Variants in NOTCH3 observed in about 807,000 individuals in gnomAD.
NOTCH3 encodes notch receptor 3, also known as neurogenic locus notch homolog protein 3.
A neutral mutation model predicts 213.3 loss-of-function variants in NOTCH3; 86 were observed. The ratio of observed to expected loss-of-function variants is 0.40; its 90% CI spans 0.34 to 0.48. The LOEUF (loss-of-function observed/expected upper bound fraction) is 0.48, where lower values mean the gene tolerates loss of function less well. Ranked by LOEUF, NOTCH3 falls within the 20% of genes least tolerant of loss-of-function variation. The pLI, the probability that NOTCH3 is intolerant of heterozygous loss-of-function variation, is 0.57. For synonymous variants in NOTCH3, 1,354 were observed against 1,355.9 expected (o/e 1.00, Z 0.03); for missense variants, 2,783 against 3,272.6 (o/e 0.85, Z 3.65).
intron 15 of NOTCH3, 52 bp downstream of exon 15, chr19:15,184,854 G>T: frequency 9.6e-7 from 1 of 1,036,892 alleles, no homozygotes; most frequent in Non-Finnish European, 1.5e-6. Context: ...CCCTGATAGG[G>T]TAGGGGGCAG....
chr19:15,161,029 G>T lies in NOTCH3; in HGVS notation c.6599C>A (p.Thr2200Asn). The T allele has an allele frequency of 6.5e-7, 1 of 1,537,776 alleles. No individual in the cohort carries two copies. Among genetic ancestry groups the T allele is most frequent in the Non-Finnish European group, 8.7e-7 (1 of 1,143,256 alleles). ...APGPQLLNPGTPVSPQERPPP... is the reference protein window; with the variant it reads ...APGPQLLNPGNPVSPQERPPP... The stretch of plus-strand genomic sequence containing the variant: ...GGGCCGCTCCTGCGGGGAGACGGGG[G>T]TCCCTGGGTTGAGCAGCTGGGGTCC... Residue 2200 changes from threonine to asparagine, a missense_variant, in exon 33 of 33, where the codon ACC becomes AAC. Coordinates refer to ENST00000263388, the MANE Select transcript of NOTCH3 (RefSeq NM_000435.3).
intron 20 of NOTCH3, 127 bp downstream of exon 20, chr19:15,179,945 G>C: frequency 2.3e-5 from 15 of 657,390 alleles, no homozygotes; most frequent in African/African-American, 1.8e-5. Flanking sequence ...GATACACCAA[G>C]AGTCACAAAA....
At chr19:15,191,916 C>A in intron 4 of NOTCH3, 44 bp downstream of exon 4, 2 of 1,613,792 alleles carry the variant, frequency 1.2e-6, no homozygotes, top group Non-Finnish European at 1.7e-6. Context: ...GGCCTGCTGT[C>A]CCCACGCCCA....
At position 15,181,616 on chromosome 19, in the gene NOTCH3, C is replaced by G. The variant is rs1358592529; in HGVS notation, c.2752G>C (p.Gly918Arg). Residue 918 changes from glycine to arginine, a missense_variant, in exon 17 of 33, where the codon GGC (glycine) becomes CGC (arginine). This residue lies in a region of NOTCH3 where 861 missense variants were observed against 909.1 expected (regional missense o/e 0.95). Transcript: ENST00000263388. ...GGCAGGTCCTGTTCGCAGTGGAAGC[C>G]TCCGTAGCCTGGCGGGCAGGTGCAG... ...FTCTCPPGYG[G>R]FHCEQDLPDC... 1 of 1,550,720 alleles carries G rather than the reference C, an allele frequency of 6.4e-7. No homozygotes were observed. The highest frequency in any genetic ancestry group is 1.4e-5 in the African/African-American group (1 of 73,062).
chr19:15,175,437 G>C (rs1383169251), intron 24 of NOTCH3, among the ~76,000 whole-genome samples: 2 of 149,742 alleles, frequency 1.3e-5, no homozygotes, highest in Non-Finnish European at 3.0e-5. Flanking sequence ...GGGAAGCTGA[G>C]GCAGGAGAAT....
Position 15,161,162 on chromosome 19 carries a change from A to G in NOTCH3, c.6466T>C (p.Cys2156Arg). The change falls in exon 33 of 33, where the codon TGT becomes CGT. Residue 2156 changes from cysteine to arginine, a missense_variant. Physicochemically the swap from Cys to Arg is radical, Grantham distance 180 (BLOSUM62 -3). Around this residue, in one of 6 missense-constraint regions of NOTCH3, gnomAD observed 441 missense variants for 432.1 expected, o/e 1.02. Coordinates refer to ENST00000263388, the MANE Select transcript of NOTCH3 (RefSeq NM_000435.3). ...AGLGRQPPGG[C>R]VLSLGLLNPV... ...TTCAGCAGGCCCAGGCTGAGTACACATCCTCCAGGGGGCTGGCGCCCTAGA... is the reference window on the plus strand; with the variant it reads ...TTCAGCAGGCCCAGGCTGAGTACACGTCCTCCAGGGGGCTGGCGCCCTAGA... 6.5e-7 allele frequency: 1 copy of G among 1,539,222 alleles called. No individual in the cohort carries two copies. The highest frequency in any genetic ancestry group is 8.7e-7 in the Non-Finnish European group (1 of 1,148,688).
At chr19:15,182,668 GT>G (rs1276941282) in intron 16 of NOTCH3, among the ~76,000 whole-genome samples, 2 of 151,084 alleles carry the variant, frequency 1.3e-5, no homozygotes, top group Admixed American at 1.3e-4. Context: ...TTGAGATGGG[GT>G]TTCGCTCTTG....
In NOTCH3 at chr19:15,170,539, G is replaced by A. The variant is rs1366413619; in HGVS notation, c.4906C>T (p.Pro1636Ser). Reference protein sequence around the residue: ...LRDVRGEPLEPPEPSVPLLPL... With the variant: ...LRDVRGEPLESPEPSVPLLPL... ...AGCAGCGGGACGCTGGGTTCTGGAG[G>A]CTCCAGCGGCTCCCCTAAGAGCAGG... The change falls in exon 27 of 33, where the codon CCT becomes TCT. Residue 1636 changes from proline to serine, a missense_variant. Physicochemically the swap from Pro to Ser is moderately conservative, Grantham distance 74. This residue lies in a region of NOTCH3 where 636 missense variants were observed against 801.8 expected (regional missense o/e 0.79). Transcript: ENST00000263388. 1.2e-6 allele frequency: 2 copies of A among 1,608,990 alleles called. No individual in the cohort carries two copies. The highest frequency in any genetic ancestry group is 2.7e-5 in the African/African-American group (2 of 75,030).
Position 15,174,355 on chromosome 19 carries a change from G to C in NOTCH3, c.4449C>G (p.Arg1483=). Residue 1483 remains arginine, a synonymous_variant, in exon 25 of 33, where the codon CGC becomes CGG. Coordinates refer to ENST00000263388, the MANE Select transcript of NOTCH3 (RefSeq NM_000435.3). The part of the protein sequence containing the change: ...KYCADHFADG[R]CDQGCNTEEC... ...CCTCCGTGTTGCAGCCCTGGTCGCA[G>C]CGGCCGTCGGCAAAGTGGTCGGCGC... is the stretch of plus-strand genomic sequence containing the variant. 6.5e-7 allele frequency: 1 copy of C among 1,546,558 alleles called. No individual in the cohort carries two copies. Among genetic ancestry groups the C allele is most frequent in the Non-Finnish European group, 8.7e-7 (1 of 1,143,898 alleles).
chr19:15,180,750 G>A lies in NOTCH3; in HGVS notation c.3073C>T (p.Pro1025Ser), dbSNP rs2046832953. 3 of 1,593,906 alleles carry A rather than the reference G, an allele frequency of 1.9e-6. No homozygotes were observed. Among genetic ancestry groups the A allele is most frequent in the Non-Finnish European group, 2.6e-6 (3 of 1,171,078 alleles). Residue 1025 changes from proline to serine, a missense_variant, in exon 19 of 33, where the codon CCC (proline) becomes TCC (serine). Transcript: ENST00000263388. The part of the protein sequence containing the change: ...CVQTGAYCLC[P>S]PGWSGRLCDI... ...CAGAGGCGTCCGCTCCATCCAGGGG[G>A]ACAAAGGCAATAGGCCCCAGTCTGG... is the stretch of plus-strand genomic sequence containing the variant.
At chr19:15,195,091 T>TG (rs2046959249) in intron 2 of NOTCH3, among the ~76,000 whole-genome samples, 1 of 151,756 alleles carries the variant, frequency 6.6e-6, no homozygotes, top group South Asian at 2.1e-4. Flanking sequence ...CGCCATGGCC[T>TG]GGCCAGCACT....
At position 15,180,187 on chromosome 19, in the gene NOTCH3, A is replaced by C. The variant is rs772656224; in HGVS notation, c.3212T>G (p.Val1071Gly). ...CVDEDSSHYC[V>G]CPEGRTGSHC... ...GCTACCAGTACGGCCCTCTGGGCAC[A>C]CGCAGTAGTGGGAGCTGTCTTCATC... Residue 1071 changes from valine to glycine, a missense_variant, in exon 20 of 33, where the codon GTG becomes GGG. Coordinates refer to ENST00000263388, the MANE Select transcript of NOTCH3 (RefSeq NM_000435.3). 1 of 1,613,880 alleles carries C rather than the reference A, an allele frequency of 6.2e-7. No individual in the cohort carries two copies. The highest frequency in any genetic ancestry group is 8.5e-7 in the Non-Finnish European group (1 of 1,179,986).
intron 10 of NOTCH3, 145 bp from the exon 11 acceptor site, chr19:15,187,483 AC>A (rs1399888795): frequency 1.8e-5 from 6 of 325,752 alleles, no homozygotes; most frequent in South Asian, 3.5e-5. Flanking sequence ...CCCACCCCCC[AC>A]CCCCCACTTA....
intron 25 of NOTCH3, among the ~76,000 whole-genome samples, 162 bp from the exon 26 acceptor site, chr19:15,170,987 C>T (rs952601861): frequency 2.0e-5 from 3 of 152,214 alleles, no homozygotes; most frequent in African/African-American, 7.2e-5. Flanking sequence ...AACCCCACTG[C>T]ACCCCTAAAA....
At position 15,161,007 on chromosome 19, in the gene NOTCH3, C is replaced by A. The variant is rs759648122; in HGVS notation, c.6621G>T (p.Arg2207=). Residue 2207 remains arginine (R), a synonymous_variant, in exon 33 of 33, where the codon CGG becomes CGT. Transcript: ENST00000263388. ...NPGTPVSPQE[R]PPPYLAVPGH... ...CTGGGACTGCCAGGTAAGGCGGGGG[C>A]CGCTCCTGCGGGGAGACGGGGGTCC... is the stretch of plus-strand genomic sequence containing the variant. The A allele has an allele frequency of 4.5e-6, 7 of 1,543,458 alleles. No individual in the cohort carries two copies. The South Asian group carries it at 7.2e-5, about 16-fold the overall frequency.
chr19:15,187,662 C>G (rs1203813860), intron 10 of NOTCH3, among the ~76,000 whole-genome samples: 2 of 152,136 alleles, frequency 1.3e-5, no homozygotes, highest in Non-Finnish European at 1.5e-5. Flanking sequence ...TGGGCCCTCC[C>G]CATTCAGTTA....
At chr19:15,189,534 T>C (rs2046911968) in intron 6 of NOTCH3, 106 bp from the exon 7 acceptor site, 1 of 1,439,372 alleles carries the variant, frequency 6.9e-7, no homozygotes, top group African/African-American at 1.4e-5. Context: ...GTTTTGTTTT[T>C]TGAGACGAAG....
intron 25 of NOTCH3, among the ~76,000 whole-genome samples, chr19:15,172,230 A>G (rs1214293106): frequency 1.3e-5 from 2 of 151,682 alleles, no homozygotes; most frequent in African/African-American, 4.8e-5. Context: ...CATTCATCCA[A>G]TCCTTAGGTC....
chr19:15,169,311 C>T (rs1226768206), intron 28 of NOTCH3, among the ~76,000 whole-genome samples: 1 of 152,072 alleles, frequency 6.6e-6, no homozygotes, highest in Non-Finnish European at 1.5e-5. Context: ...AGAGCCCTTA[C>T]CAGGAACCAG....
Sources: gnomAD v4.1 joint callset for allele counts (sites outside exome capture counted in the v4.1 genomes callset) on GRCh38, gnomAD v4.1.1 for gene constraint, gnomAD v4.1.1 regional missense constraint, MANE v1.5 for transcripts, NCBI Gene and HGNC (gene_info 2026-07-23, HGNC 2026-07-21) for gene names.